AHCTF1: variants seen among roughly 807,000 people sequenced by gnomAD.
AHCTF1 encodes protein ELYS.
AHCTF1 carries 24 observed loss-of-function variants against 248.4 expected under a neutral mutation model. The observed-to-expected ratio is 0.10, with a 90% CI of 0.07 to 0.14. The LOEUF (loss-of-function observed/expected upper bound fraction) is 0.14, where lower values mean the gene tolerates loss of function less well. Ranked by LOEUF, AHCTF1 falls within the 10% of genes least tolerant of loss-of-function variation. AHCTF1 has a pLI of 1.00. For synonymous variants in AHCTF1, 786 were observed against 929.8 expected, an observed-to-expected ratio of 0.85 and a Z score of 2.81; for missense variants, 2,206 against 2,636.2, an observed-to-expected ratio of 0.84 and a Z score of 3.57.
Position 246,891,897 on chromosome 1 carries a change from C to T in AHCTF1, c.1827G>A (p.Ser609=), listed in dbSNP as rs371700914. ...TAGTTTGTGGATCCATGAAATGACA[C>T]GAACCATCAAATAATGGCACACCTT... is the stretch of plus-strand genomic sequence containing the variant. ...DRLCVPLFDG[S]CHFMDPQTIQ... is the part of the protein sequence containing the mutation. Residue 609 remains serine (S), a synonymous_variant, in exon 15 of 36, where the codon TCG becomes TCA. Transcript: ENST00000648844. 25 of 1,594,302 alleles carry T rather than the reference C, an allele frequency of 1.6e-5. No individual in the cohort carries two copies. Among genetic ancestry groups the T allele is most frequent in the East Asian group, 1.4e-4 (6 of 43,782 alleles).
At position 246,869,037 on chromosome 1, in the gene AHCTF1, G is replaced by A. The variant is rs559390473; in HGVS notation, c.3089-1226C>T. Among the ~76,000 whole-genome samples, 97 of 151,368 alleles carry A rather than the reference G, an allele frequency of 6.4e-4. 3 individuals are homozygous for A. Among genetic ancestry groups the A allele is most frequent in the African/African-American group, 2.1e-3 (87 of 41,074 alleles). On this transcript the variant is annotated intron_variant, in intron 24 of 35. Coordinates refer to ENST00000648844, the MANE Select transcript of AHCTF1 (RefSeq NM_001323342.2). ...CTTTTTCTATTTTTAGTAGAGACGG[G>A]GTTTCACCATGTTGGCCAGGATGGT...
At chr1:246,878,461 T>C (rs961275549) in intron 21 of AHCTF1, among the ~76,000 whole-genome samples, 1 of 119,932 alleles carries the variant, frequency 8.3e-6, no homozygotes, top group African/African-American at 3.2e-5. Context: ...TAGCCCTATA[T>C]AAGGAAAATA....
At chr1:246,876,425 T>C (rs1197006977) in intron 23 of AHCTF1, among the ~76,000 whole-genome samples, 1 of 152,190 alleles carries the variant, frequency 6.6e-6, no homozygotes, top group Non-Finnish European at 1.5e-5. Context: ...ATAAAAACAA[T>C]GGTTATTAAG....
At position 246,850,098 on chromosome 1, in the gene AHCTF1, T is replaced by G; in HGVS notation, c.5908A>C (p.Ile1970Leu). 2 of 1,613,970 alleles carry G rather than the reference T, an allele frequency of 1.2e-6. No individual in the cohort carries two copies. Among genetic ancestry groups the G allele is most frequent in the Non-Finnish European group, 1.7e-6 (2 of 1,179,884 alleles). Residue 1970 changes from isoleucine (I) to leucine (L), a missense_variant, in exon 33 of 36, where the codon ATA becomes CTA. By Grantham distance (5) the Ile-to-Leu change is conservative. Around this residue, in one of 6 missense-constraint regions of AHCTF1, gnomAD observed 469 missense variants for 470.0 expected, o/e 1.00. Transcript: ENST00000648844. ...TVQAEFDMSAIPRKRGRPRKI... is the reference protein window; with the variant it reads ...TVQAEFDMSALPRKRGRPRKI... ...CTTGGTCTACCACGTTTTCTAGGTA[T>G]GGCAGACATATCAAATTCTGCTTGA... is the stretch of plus-strand genomic sequence containing the variant.
chr1:246,883,634 T>A (rs114984756), intron 21 of AHCTF1, among the ~76,000 whole-genome samples: 217 of 152,338 alleles, frequency 1.4e-3, no homozygotes, highest in African/African-American at 5.1e-3. Flanking sequence ...CTAGCAACCC[T>A]GAAGTCATTC....
At chr1:246,897,807 CCT>C (rs1558258259) in intron 12 of AHCTF1, among the ~76,000 whole-genome samples, 2 of 151,908 alleles carry the variant, frequency 1.3e-5, no homozygotes, top group Non-Finnish European at 2.9e-5. Context: ...ATAGCGAGAC[CCT>C]GTCTCTACCA....
intron 21 of AHCTF1, among the ~76,000 whole-genome samples, chr1:246,884,672 AATC>A (rs1480422719): frequency 6.6e-6 from 1 of 152,198 alleles, no homozygotes; most frequent in South Asian, 2.1e-4. Context: ...AGACTGTAAT[AATC>A]ATTATTATGT....
At chr1:246,865,447 A>G (rs1661904396) in intron 26 of AHCTF1, 1 of 152,168 alleles carries the variant, frequency 6.6e-6, no homozygotes, top group Admixed American at 6.5e-5. Flanking sequence ...CAGCTTTTAG[A>G]TTTCCACCAA....
At chr1:246,857,029 G>A (rs1661159861) in intron 30 of AHCTF1, among the ~76,000 whole-genome samples, 1 of 152,124 alleles carries the variant, frequency 6.6e-6, no homozygotes, top group Non-Finnish European at 1.5e-5. Flanking sequence ...TGTCAGTCTC[G>A]CAATGAGACA....
chr1:246,851,565 G>T, intron 32 of AHCTF1, 123 bp from the exon 33 acceptor site: 1 of 823,538 alleles, frequency 1.2e-6, no homozygotes, highest in Non-Finnish European at 1.8e-6. Flanking sequence ...ATTTAATATG[G>T]CATATACTTA....
At chr1:246,861,458 G>A (rs112498177) in intron 28 of AHCTF1, among the ~76,000 whole-genome samples, 163 bp from the exon 29 acceptor site, 30 of 152,140 alleles carry the variant, frequency 2.0e-4, no homozygotes, top group African/African-American at 7.0e-4. Flanking sequence ...CTTCTAGTAC[G>A]TAAAAGTTAA....
At chr1:246,887,022 G>T (rs1338297842) in intron 20 of AHCTF1, among the ~76,000 whole-genome samples, 189 bp downstream of exon 20, 3 of 152,240 alleles carry the variant, frequency 2.0e-5, no homozygotes. Context: ...AAGAAACCTG[G>T]GGTTCTGAAT....
At chr1:246,861,630 T>C (rs1444280540) in intron 28 of AHCTF1, among the ~76,000 whole-genome samples, 3 of 152,046 alleles carry the variant, frequency 2.0e-5, no homozygotes, top group Non-Finnish European at 4.4e-5. Context: ...AACAACACAA[T>C]ATAAGGTAAA....
At position 246,851,397 on chromosome 1, in the gene AHCTF1, C is replaced by T. The variant is rs1229242806; in HGVS notation, c.4609G>A (p.Ala1537Thr). 3 of 1,613,020 alleles carry T rather than the reference C, an allele frequency of 1.9e-6. No homozygotes were observed. The highest frequency in any genetic ancestry group is 1.1e-5 in the South Asian group (1 of 90,906). The change falls in exon 33 of 36, where the codon GCT becomes ACT. Residue 1537 changes from alanine (A) to threonine (T), a missense_variant. Around this residue, in one of 6 missense-constraint regions of AHCTF1, gnomAD observed 955 missense variants for 1,055.6 expected, o/e 0.90. Coordinates refer to ENST00000648844, the MANE Select transcript of AHCTF1 (RefSeq NM_001323342.2). The part of the protein sequence containing the change: ...KLEAQDSGEE[A>T]RNLSFNELYP... ...AACTCATTAAATGAAAGATTCCTAGCCTCTTCTCCTGAATCTTGAGCTTCA... is the reference window on the plus strand; with the variant it reads ...AACTCATTAAATGAAAGATTCCTAGTCTCTTCTCCTGAATCTTGAGCTTCA...
chr1:246,899,199 G>A (rs1046682377), intron 11 of AHCTF1, among the ~76,000 whole-genome samples: 6 of 151,974 alleles, frequency 3.9e-5, no homozygotes, highest in African/African-American at 1.2e-4. Flanking sequence ...TAAGCTTTCT[G>A]AGGAGACAGA....
At chr1:246,926,610 C>T (rs1055420495) in intron 1 of AHCTF1, among the ~76,000 whole-genome samples, 3 of 152,200 alleles carry the variant, frequency 2.0e-5, no homozygotes, top group African/African-American at 7.2e-5. Context: ...CATCCCAGCA[C>T]TTCGGAAAGC....
At position 246,848,533 on chromosome 1, in the gene AHCTF1, T is replaced by A. The variant is rs183221658; in HGVS notation, c.6391+1082A>T. Among the ~76,000 whole-genome samples the A allele has an allele frequency of 2.6e-5, 4 of 151,398 alleles. No homozygotes were observed. The East Asian group carries it at 6.0e-4, about 23-fold the overall frequency. On this transcript the variant is annotated intron_variant, in intron 33 of 35. Coordinates refer to ENST00000648844, the MANE Select transcript of AHCTF1 (RefSeq NM_001323342.2). ...CTACTTTATTTATAAGGTCCTGAAC[T>A]GCTTTGCTGAAATTCAAATATTAAA...
chr1:246,916,479 A>T, intron 2 of AHCTF1, 84 bp from the exon 3 acceptor site: 3 of 1,217,538 alleles, frequency 2.5e-6, no homozygotes, highest in Non-Finnish European at 3.5e-6. Flanking sequence ...ATACAACTAT[A>T]TGTTCATTAC....
chr1:246,857,767 C>T lies in AHCTF1; in HGVS notation c.4180G>A (p.Ala1394Thr), dbSNP rs775276697. The change falls in exon 30 of 36, where the codon GCA becomes ACA. Residue 1394 changes from alanine (A) to threonine (T), a missense_variant. Transcript: ENST00000648844. The stretch of plus-strand genomic sequence containing the variant: ...CTTAAGTGATTCAATTCTGAAAATG[C>T]CTCTGCTGCAACTAAGAGATCCTTT... The part of the protein sequence containing the change: ...ETKDLLVAAE[A>T]FSELNHLSPV... 2.5e-6 allele frequency: 4 copies of T among 1,613,718 alleles called. No homozygotes were observed. Among genetic ancestry groups the T allele is most frequent in the East Asian group, 2.2e-5 (1 of 44,870 alleles).
Sources: gnomAD v4.1 joint callset for allele counts (sites outside exome capture counted in the v4.1 genomes callset) on GRCh38, gnomAD v4.1.1 for gene constraint, gnomAD v4.1.1 regional missense constraint, MANE v1.5 for transcripts, NCBI Gene and HGNC (gene_info 2026-07-23, HGNC 2026-07-21) for gene names.